The following RNF144A variants were observed in gnomAD, a reference collection of about 807,000 sequenced individuals.
RNF144A encodes E3 ubiquitin-protein ligase RNF144A.
Under a neutral mutation model 38.7 loss-of-function variants are expected in RNF144A, and 11 were observed. The ratio of observed to expected loss-of-function variants is 0.28; its 90% CI spans 0.18 to 0.47. RNF144A has a LOEUF of 0.47. Ranked by LOEUF, RNF144A falls within the 20% of genes least tolerant of loss-of-function variation. The pLI is 0.99. For synonymous variants in RNF144A, 149 were observed against 143.9 expected (o/e 1.04, Z -0.25); for missense variants, 316 against 377.2 (o/e 0.84, Z 1.34).
intron 6 of RNF144A, 110 bp from the exon 7 acceptor site, chr2:7,024,259 C>A: frequency 1.0e-6 from 1 of 968,592 alleles, no homozygotes; most frequent in Non-Finnish European, 1.4e-6. Flanking sequence ...TCATTTAATA[C>A]CAAGAAAACT....
At chr2:6,936,961 G>A (rs773732412) in intron 1 of RNF144A, among the ~76,000 whole-genome samples, 1 of 151,886 alleles carries the variant, frequency 6.6e-6, no homozygotes, top group Non-Finnish European at 1.5e-5. Context: ...TCACCTTGTT[G>A]TCACTCCTAT....
intron 3 of RNF144A, among the ~76,000 whole-genome samples, chr2:7,002,714 T>C (rs1670190315): frequency 6.6e-6 from 1 of 152,216 alleles, no homozygotes; most frequent in African/African-American, 2.4e-5. Context: ...TTCTGCCTAG[T>C]ATTTACTATT....
chr2:7,012,974 C>T (rs769312274), intron 3 of RNF144A, among the ~76,000 whole-genome samples: 14 of 152,228 alleles, frequency 9.2e-5, no homozygotes, highest in South Asian at 2.1e-4. Context: ...GAGCCACCAA[C>T]ATTGTAATTT....
intron 2 of RNF144A, among the ~76,000 whole-genome samples, chr2:6,972,739 G>A (rs888247118): frequency 6.6e-6 from 1 of 152,164 alleles, no homozygotes; most frequent in Non-Finnish European, 1.5e-5. Context: ...CAAGGACTGC[G>A]GTTCTGTTCC....
intron 1 of RNF144A, among the ~76,000 whole-genome samples, chr2:6,921,741 G>A (rs1664554128): frequency 6.6e-6 from 1 of 152,224 alleles, no homozygotes; most frequent in African/African-American, 2.4e-5. Context: ...AGGGTGCCTG[G>A]ATCAGCCCCG....
At chr2:7,021,171 G>T (rs111789769) in intron 6 of RNF144A, among the ~76,000 whole-genome samples, 4 of 152,168 alleles carry the variant, frequency 2.6e-5, no homozygotes, top group African/African-American at 9.6e-5. Context: ...CCAGGAGAAT[G>T]CTGCCGCACC....
intron 2 of RNF144A, among the ~76,000 whole-genome samples, chr2:6,947,991 TA>T (rs1426398561): frequency 6.6e-6 from 1 of 152,178 alleles, no homozygotes; most frequent in Non-Finnish European, 1.5e-5. Context: ...GGCTAAGAAC[TA>T]AAAGCACACA....
chr2:6,985,775 C>G (rs929845545), intron 2 of RNF144A, among the ~76,000 whole-genome samples: 1 of 152,214 alleles, frequency 6.6e-6, no homozygotes, highest in African/African-American at 2.4e-5. Context: ...TGGGTTCATG[C>G]CATTCTCCTG....
chr2:7,040,829 A>G lies in RNF144A; in HGVS notation c.*1069A>G, dbSNP rs1207274408. Reference sequence around the variant, plus strand: ...TGTTCTAGTCATTTTGAGAAATCATATATCTTACACAGTTCCAAGTCCTGT... The same window carrying G: ...TGTTCTAGTCATTTTGAGAAATCATGTATCTTACACAGTTCCAAGTCCTGT... On this transcript the variant is annotated 3_prime_UTR_variant, in exon 9 of 9. Transcript: ENST00000320892. The G allele has an allele frequency of 2.4e-5, 24 of 985,464 alleles. No individual in the cohort carries two copies. The East Asian group carries it at 4.5e-4, about 19-fold the overall frequency. The allele number at this position is 985,464 out of a possible 1,614,324, so 61.0% of individuals were successfully genotyped here.
intron 2 of RNF144A, among the ~76,000 whole-genome samples, chr2:6,956,181 G>A (rs1189514696): frequency 6.6e-6 from 1 of 151,886 alleles, no homozygotes; most frequent in Admixed American, 6.6e-5. Context: ...ATAGAGGATT[G>A]TGTCAGACAC....
chr2:7,067,901 C>G (rs1247869694), intron 6 of RNF144A, among the ~76,000 whole-genome samples: 1 of 152,146 alleles, frequency 6.6e-6, no homozygotes, highest in Non-Finnish European at 1.5e-5. Flanking sequence ...TTCTCATTGT[C>G]CATCATCCCC....
chr2:7,025,879 G>A (rs546820755), intron 7 of RNF144A, among the ~76,000 whole-genome samples: 26 of 152,228 alleles, frequency 1.7e-4, no homozygotes, highest in East Asian at 1.2e-3. Context: ...CAAATAAAGC[G>A]GGGGGTGGGG....
At chr2:7,011,848 C>T (rs1225273472) in intron 3 of RNF144A, among the ~76,000 whole-genome samples, 1 of 152,190 alleles carries the variant, frequency 6.6e-6, no homozygotes, top group African/African-American at 2.4e-5. Flanking sequence ...GCGCTTGGAA[C>T]GTCATCTCTC....
At chr2:6,951,786 C>T (rs755904382) in intron 2 of RNF144A, among the ~76,000 whole-genome samples, 1 of 152,152 alleles carries the variant, frequency 6.6e-6, no homozygotes, top group South Asian at 2.1e-4. Flanking sequence ...CATCTAGTCA[C>T]TTTACCAAAC....
At chr2:6,928,794 C>T (rs1665037818) in intron 1 of RNF144A, among the ~76,000 whole-genome samples, 1 of 152,222 alleles carries the variant, frequency 6.6e-6, no homozygotes, top group South Asian at 2.1e-4. Flanking sequence ...CGAGGGCTTC[C>T]CTGTGAACTT....
chr2:7,072,605 T>C (rs1674522934), downstream of RNF144A, among the ~76,000 whole-genome samples: 1 of 152,220 alleles, frequency 6.6e-6, no homozygotes, highest in South Asian at 2.1e-4. Flanking sequence ...TTTTATTTTC[T>C]CACTTATCCT....
Position 7,014,744 on chromosome 2 carries a change from A to C in RNF144A, c.273A>C (p.Gln91His). ...IECMVAAEIM[Q>H]RYKKLQFERE... ...GCATGGTTGCAGCTGAAATTATGCA[A>C]AGATATAAAAAGCTACAATTTGAAA... The change falls in exon 5 of 9, where the codon CAA becomes CAC. Residue 91 changes from glutamine (Q) to histidine (H), a missense_variant. By Grantham distance (24) the Gln-to-His change is conservative. Transcript: ENST00000320892. 2 of 1,613,452 alleles carry C rather than the reference A, an allele frequency of 1.2e-6. No homozygotes were observed. Among genetic ancestry groups the C allele is most frequent in the South Asian group, 2.2e-5 (2 of 91,060 alleles).
intron 3 of RNF144A, among the ~76,000 whole-genome samples, chr2:7,009,371 G>A (rs917482127): frequency 6.6e-6 from 1 of 152,148 alleles, no homozygotes; most frequent in African/African-American, 2.4e-5. Flanking sequence ...GGAGCAGCAC[G>A]CCGATCATGA....
chr2:7,059,677 AC>A (rs1387160194), intron 6 of RNF144A, among the ~76,000 whole-genome samples: 3 of 152,188 alleles, frequency 2.0e-5, no homozygotes, highest in African/African-American at 7.2e-5. Flanking sequence ...GGTGCCAGCA[AC>A]CAGAGTCCAG....
Sources: allele counts gnomAD v4.1 joint callset (sites outside exome capture counted in the v4.1 genomes callset), GRCh38; gene constraint gnomAD v4.1.1; transcripts MANE v1.5; gene names NCBI Gene and HGNC (gene_info 2026-07-23, HGNC 2026-07-21).